NOL10: variants seen among roughly 807,000 people sequenced by gnomAD.
The protein encoded by NOL10 is H_NH0074G24.1.
In NOL10, 58 loss-of-function variants were observed where a neutral mutation model predicts 103.5. That is an observed-to-expected ratio of 0.56 (90% CI 0.45 to 0.70). The LOEUF is 0.70. NOL10 is among the 30% of genes least tolerant of loss of function. NOL10 has a pLI of 0.00. For synonymous variants in NOL10, 287 were observed against 282.5 expected (o/e 1.02, Z -0.16); for missense variants, 763 against 807.3 (o/e 0.95, Z 0.67).
intron 4 of NOL10, among the ~76,000 whole-genome samples, chr2:10,673,948 A>G (rs1681120064): frequency 6.6e-6 from 1 of 152,178 alleles, no homozygotes; most frequent in Admixed American, 6.5e-5. Flanking sequence ...TCTACCTGAT[A>G]AAGAAAAAGA....
intron 19 of NOL10, among the ~76,000 whole-genome samples, chr2:10,588,708 T>C (rs758038968): frequency 1.1e-4 from 16 of 152,224 alleles, no homozygotes; most frequent in East Asian, 3.8e-4. Context: ...GGAAAGTGTG[T>C]GGCTTCTGCA....
chr2:10,580,805 T>C (rs1199516792), intron 19 of NOL10, among the ~76,000 whole-genome samples: 3 of 152,042 alleles, frequency 2.0e-5, no homozygotes, highest in Non-Finnish European at 4.4e-5. Flanking sequence ...TCCCGCTGCA[T>C]GGAAGGGGCG....
Position 10,601,285 on chromosome 2 carries a change from G to A in NOL10, c.1333-343C>T, listed in dbSNP as rs1349734213. Reference sequence around the variant, plus strand: ...TCACTGTGTCAGCCAGGACAGTCTCGGTCTCCTGACCTCGTGATCCGCCTG... The same window carrying A: ...TCACTGTGTCAGCCAGGACAGTCTCAGTCTCCTGACCTCGTGATCCGCCTG... On this transcript the variant is annotated intron_variant, in intron 16 of 20. Coordinates refer to ENST00000381685, the MANE Select transcript of NOL10 (RefSeq NM_024894.4). 3.9e-5 allele frequency among the ~76,000 whole-genome samples: 6 copies of A among 152,232 alleles called. No individual in the cohort carries two copies. In the East Asian group the frequency reaches 5.8e-4, roughly 15 times the overall value.
intron 13 of NOL10, among the ~76,000 whole-genome samples, chr2:10,623,438 C>G (rs1326086162): frequency 6.6e-6 from 1 of 152,164 alleles, no homozygotes; most frequent in African/African-American, 2.4e-5. Context: ...CTGCCTAATT[C>G]CTGAACGTCC....
intron 4 of NOL10, among the ~76,000 whole-genome samples, chr2:10,673,768 A>T (rs1681105666): frequency 6.6e-6 from 1 of 152,206 alleles, no homozygotes; most frequent in Non-Finnish European, 1.5e-5. Flanking sequence ...AATACACATC[A>T]ACTAGATTTC....
chr2:10,575,520 T>C (rs1674410015), intron 20 of NOL10, among the ~76,000 whole-genome samples: 1 of 152,242 alleles, frequency 6.6e-6, no homozygotes, highest in African/African-American at 2.4e-5. Context: ...TCAAAGCCTC[T>C]GCTTGATTCA....
intron 13 of NOL10, among the ~76,000 whole-genome samples, chr2:10,638,792 C>CTTTTT (rs575658225): frequency 1.9e-5 from 1 of 52,858 alleles, no homozygotes; most frequent in Non-Finnish European, 3.4e-5. Flanking sequence ...CGTGCCTGGC[C>CTTTTT]TTTTTTTTTT....
rs1572278461 is a variant in NOL10 at position 10,607,273 on chromosome 2, G to A, written c.1065C>T (p.Asp355=). Residue 355 remains aspartate, a synonymous_variant, in exon 14 of 21, where the codon GAC becomes GAT. Coordinates refer to ENST00000381685, the MANE Select transcript of NOL10 (RefSeq NM_024894.4). Reference sequence around the variant, plus strand: ...TCTCTTCTAATTCTTCGGTCAAGTTGTCTAAGAAGGAACACCACCGAGGAG... The same window carrying A: ...TCTCTTCTAATTCTTCGGTCAAGTTATCTAAGAAGGAACACCACCGAGGAG... ...GPAPRWCSFL[D]NLTEELEENP... 2 of 1,608,608 alleles carry A rather than the reference G, an allele frequency of 1.2e-6. No homozygotes were observed. The highest frequency in any genetic ancestry group is 2.2e-5 in the East Asian group (1 of 44,688).
chr2:10,572,255 C>T (rs772946298), intron 20 of NOL10, 65 bp from the exon 21 acceptor site: 138 of 1,566,346 alleles, frequency 8.8e-5, no homozygotes, highest in South Asian at 6.4e-4. Context: ...TTCTGGTAAC[C>T]GTCAGGCTGC....
intron 5 of NOL10, 199 bp downstream of exon 5, chr2:10,673,321 G>T: frequency 2.5e-6 from 1 of 398,580 alleles, no homozygotes; most frequent in East Asian, 3.8e-5. Flanking sequence ...TTGGCCAAAG[G>T]CTATCCGTAT....
At chr2:10,664,265 C>A (rs988381230) in intron 8 of NOL10, among the ~76,000 whole-genome samples, 1 of 151,708 alleles carries the variant, frequency 6.6e-6, no homozygotes, top group Non-Finnish European at 1.5e-5. Flanking sequence ...CCCGTCTCTA[C>A]TAAAAATACA....
chr2:10,671,746 C>T (rs1206498785), intron 5 of NOL10, 56 bp from the exon 6 acceptor site: 5 of 1,353,942 alleles, frequency 3.7e-6, no homozygotes, highest in Non-Finnish European at 5.0e-6. Flanking sequence ...GTGTTTACTT[C>T]ATTATCGCTA....
chr2:10,627,696 AAAC>A (rs769122193), intron 13 of NOL10, among the ~76,000 whole-genome samples: 11 of 145,064 alleles, frequency 7.6e-5, no homozygotes, highest in African/African-American at 1.0e-4. Flanking sequence ...ACAAACAAAC[AAAC>A]AAAAAAAAAC....
At chr2:10,601,257 G>T (rs1675960402) in intron 16 of NOL10, among the ~76,000 whole-genome samples, 1 of 152,106 alleles carries the variant, frequency 6.6e-6, no homozygotes, top group African/African-American at 2.4e-5. Flanking sequence ...TAGAGACGGG[G>T]TTTCACTGTG....
chr2:10,577,832 A>G, intron 19 of NOL10, 94 bp from the exon 20 acceptor site: 1 of 793,724 alleles, frequency 1.3e-6, no homozygotes, highest in Non-Finnish European at 2.1e-6. Context: ...AGCGAAGAAA[A>G]ATGTTTACAC....
In NOL10 at chr2:10,572,062, C is replaced by T; in HGVS notation, c.*9G>A. On this transcript the variant is annotated 3_prime_UTR_variant, in exon 21 of 21. Coordinates refer to ENST00000381685, the MANE Select transcript of NOL10 (RefSeq NM_024894.4). ...CCCTCCCTAATCACAGGTAGGACCA[C>T]TTCCCAAATCAATGAAACGACCGTC... 1 of 1,613,306 alleles carries T rather than the reference C, an allele frequency of 6.2e-7. No homozygotes were observed. Among genetic ancestry groups the T allele is most frequent in the African/African-American group, 1.3e-5 (1 of 75,030 alleles).
chr2:10,634,634 C>A (rs141325779), intron 13 of NOL10: 175 of 456,360 alleles, frequency 3.8e-4, no homozygotes, highest in African/African-American at 3.2e-3. Flanking sequence ...TAGGCATAAA[C>A]AAGCTCCCTG....
At chr2:10,636,420 C>CAAAAAA (rs70953327) in intron 13 of NOL10, among the ~76,000 whole-genome samples, 2 of 54,698 alleles carry the variant, frequency 3.7e-5, no homozygotes, top group Non-Finnish European at 6.2e-5. Flanking sequence ...TACAAAAAAC[C>CAAAAAA]AAAAAAAAAA....
intron 13 of NOL10, among the ~76,000 whole-genome samples, chr2:10,609,298 G>C (rs1407334892): frequency 1.3e-5 from 2 of 151,752 alleles, no homozygotes; most frequent in Admixed American, 1.3e-4. Flanking sequence ...TATTTGAAAG[G>C]ACTTCATGGC....
Sources: gnomAD v4.1 joint callset for allele counts (sites outside exome capture counted in the v4.1 genomes callset) on GRCh38, gnomAD v4.1.1 for gene constraint, MANE v1.5 for transcripts, NCBI Gene and HGNC (gene_info 2026-07-23, HGNC 2026-07-21) for gene names.